The following CLCNKB variants were observed in gnomAD, a reference collection of about 807,000 sequenced individuals.
CLCNKB encodes the protein chloride channel protein ClC-Kb.
In CLCNKB, 74 loss-of-function variants were observed where a neutral mutation model predicts 83.8. The ratio of observed to expected loss-of-function variants is 0.88; its 90% CI spans 0.73 to 1.07. The LOEUF (loss-of-function observed/expected upper bound fraction) is 1.07. CLCNKB is among the 50% of genes least tolerant of loss of function. CLCNKB has a pLI of 0.00. For synonymous variants in CLCNKB, 358 were observed against 356.6 expected, an observed-to-expected ratio of 1.00 and a Z score of -0.04; for missense variants, 798 against 893.6, an observed-to-expected ratio of 0.89 and a Z score of 1.36.
At chr1:16,056,368 A>G in intron 18 of CLCNKB, 54 bp from the exon 19 acceptor site, 3 of 1,558,022 alleles carry the variant, frequency 1.9e-6, no homozygotes, top group Non-Finnish European at 2.7e-6. Flanking sequence ...AGTGGGCTAG[A>G]GGGTGGGCTG....
intron 16 of CLCNKB, among the ~76,000 whole-genome samples, chr1:16,055,128 G>A (rs12022144): frequency 0.43 from 64,516 of 151,730 alleles, 14,480 homozygotes; most frequent in East Asian, 0.8. Context: ...TCGTGCTGGC[G>A]TCCCTAGCTT....
intron 7 of CLCNKB, 127 bp from the exon 8 acceptor site, chr1:16,048,993 T>C: frequency 6.3e-7 from 1 of 1,592,784 alleles, no homozygotes; most frequent in Non-Finnish European, 8.5e-7. Context: ...TCCCCTCCTG[T>C]CTGTCCCTGT....
chr1:16,053,572 AT>A (rs2023357188), intron 15 of CLCNKB, 66 bp from the exon 16 acceptor site: 1 of 1,611,544 alleles, frequency 6.2e-7, no homozygotes, highest in Non-Finnish European at 8.5e-7. Context: ...CTCCCCACAG[AT>A]CCCCCTGCCA....
chr1:16,050,919 C>T lies in CLCNKB; in HGVS notation c.1098C>T (p.Ser366=), dbSNP rs2023267772. The T allele has an allele frequency of 1.9e-6, 3 of 1,612,970 alleles. No individual in the cohort carries two copies. Among genetic ancestry groups the T allele is most frequent in the Non-Finnish European group, 2.5e-6 (3 of 1,179,900 alleles). Reference sequence around the variant, plus strand: ...TGGACTCGCTGTTCGACAACCACTCCTGGGCGCTGATGACCCAGAACTCCA... The same window carrying T: ...TGGACTCGCTGTTCGACAACCACTCTTGGGCGCTGATGACCCAGAACTCCA... ...QHLDSLFDNH[S]WALMTQNSSP... is the part of the protein sequence containing the mutation. Residue 366 remains serine (S), a synonymous_variant, in exon 12 of 20, where the codon TCC becomes TCT. Coordinates refer to ENST00000375679, the MANE Select transcript of CLCNKB (RefSeq NM_000085.5).
chr1:16,052,461 A>C lies in CLCNKB; in HGVS notation c.1622+50A>C, dbSNP rs184341692. 568 of 1,611,730 alleles carry C rather than the reference A, an allele frequency of 3.5e-4. 3 individuals are homozygous for C. The African/African-American group carries it at 5.3e-3, about 15-fold the overall frequency. Reference sequence around the variant, plus strand: ...ACTGAAGGGGGTCACAGTGTTTGGGAAGGGCTGGGGTGAAGGGCACCTCGA... The same window carrying C: ...ACTGAAGGGGGTCACAGTGTTTGGGCAGGGCTGGGGTGAAGGGCACCTCGA... On this transcript the variant is annotated intron_variant, in intron 15 of 19. Coordinates refer to ENST00000375679, the MANE Select transcript of CLCNKB (RefSeq NM_000085.5).
In CLCNKB at chr1:16,049,195, C is replaced by A. The variant is rs1385714869; in HGVS notation, c.731C>A (p.Thr244Asn). ...WDYWRGFFAA[T>N]CGAFMFRLLA... is the part of the protein sequence containing the mutation. Reference sequence around the variant, plus strand: ...TACTGGAGGGGCTTCTTTGCGGCCACCTGCGGGGCCTTCATGTTCCGGCTC... The same window carrying A: ...TACTGGAGGGGCTTCTTTGCGGCCAACTGCGGGGCCTTCATGTTCCGGCTC... The change falls in exon 8 of 20, where the codon ACC becomes AAC. Residue 244 changes from threonine to asparagine, a missense_variant. Transcript: ENST00000375679. The A allele has an allele frequency of 6.2e-7, 1 of 1,613,664 alleles. No homozygotes were observed. The highest frequency in any genetic ancestry group is 1.7e-5 in the Admixed American group (1 of 60,026).
chr1:16,053,654 G>A lies in CLCNKB; in HGVS notation c.1638G>A (p.Arg546=). ...LGRNIGSHRV[R]VEHFMNHSIT... ...CTGCCTGCAGTTCCCACCGCGTGAG[G>A]GTGGAGCACTTCATGAACCACAGCA... is the stretch of plus-strand genomic sequence containing the variant. The change falls in exon 16 of 20, where the codon AGG becomes AGA. Residue 546 remains arginine (R), a synonymous_variant. Transcript: ENST00000375679. 6.2e-7 allele frequency: 1 copy of A among 1,614,016 alleles called. No homozygotes were observed. The highest frequency in any genetic ancestry group is 8.5e-7 in the Non-Finnish European group (1 of 1,180,046).
At chr1:16,052,112 A>G in intron 14 of CLCNKB, 86 bp from the exon 15 acceptor site, 1 of 1,531,034 alleles carries the variant, frequency 6.5e-7, no homozygotes, top group East Asian at 2.3e-5. Flanking sequence ...ATCACACCTT[A>G]GCCCCTGGTC....
At chr1:16,055,638 G>A (rs1557473487) in intron 17 of CLCNKB, 37 bp from the exon 18 acceptor site, 1 of 1,608,540 alleles carries the variant, frequency 6.2e-7, no homozygotes, top group Non-Finnish European at 8.5e-7. Context: ...ATCCTGGGGA[G>A]GCCAGCCCTG....
Position 16,051,768 on chromosome 1 carries a change from C to T in CLCNKB, c.1356C>T (p.Ile452=), listed in dbSNP as rs762692905. The T allele has an allele frequency of 3.0e-5, 49 of 1,613,656 alleles. 1 individual carries two copies. The highest frequency in any genetic ancestry group is 4.1e-5 in the Non-Finnish European group (48 of 1,179,866). ...TCTCTTTTATCTTCCCTGAGGGCAT[C>T]GTGGCTGGAGGGATCACCAATCCCA... ...ETLSFIFPEG[I]VAGGITNPIM... is the part of the protein sequence containing the mutation. The change falls in exon 14 of 20, where the codon ATC becomes ATT. Residue 452 remains isoleucine, a synonymous_variant. Transcript: ENST00000375679.
rs2023255429 is a variant in CLCNKB, at chr1:16,050,597, T to A, written c.1050T>A (p.Ser350=). The change falls in exon 11 of 20, where the codon TCT becomes TCA. Residue 350 remains serine (S), a synonymous_variant. Coordinates refer to ENST00000375679, the MANE Select transcript of CLCNKB (RefSeq NM_000085.5). ...YPPSAGRFLA[S]RLSMKQHLDS... ...CCAGCGCCGGCCGCTTCCTAGCTTC[T>A]CGGGTAAGGGGCCTTGAGTGGGGTG... The A allele has an allele frequency of 6.2e-7, 1 of 1,613,834 alleles. No homozygotes were observed. The highest frequency in any genetic ancestry group is 1.7e-5 in the Admixed American group (1 of 60,004).
Position 16,045,558 on chromosome 1 carries a change from G to A in CLCNKB, c.101G>A (p.Gly34Asp), listed in dbSNP as rs762515275. Reference sequence around the variant, plus strand: ...GCCGTGACCCCATGCCCTGCCCCAGGTGGCCTGGAGTGGCTGAAGCAGAAG... The same window carrying A: ...GCCGTGACCCCATGCCCTGCCCCAGATGGCCTGGAGTGGCTGAAGCAGAAG... ...PCPRIRRGIR[G>D]GLEWLKQKLF... is the part of the protein sequence containing the mutation. Residue 34 changes from glycine to aspartate, a missense_variant and splice_region_variant, in exon 3 of 20, where the codon GGT becomes GAT. By Grantham distance (94) the Gly-to-Asp change is moderately conservative. Coordinates refer to ENST00000375679, the MANE Select transcript of CLCNKB (RefSeq NM_000085.5). 4.3e-6 allele frequency: 7 copies of A among 1,613,458 alleles called. No individual in the cohort carries two copies. In the East Asian group the frequency reaches 1.3e-4, roughly 31 times the overall value.
rs1421835654 is a variant in CLCNKB, at chr1:16,055,487, G to A, written c.1809G>A (p.Leu603=). Residue 603 remains leucine, a synonymous_variant, in exon 17 of 20, where the codon CTG becomes CTA. Coordinates refer to ENST00000375679, the MANE Select transcript of CLCNKB (RefSeq NM_000085.5). ...GAAGGGCCCAGCTGGTGCAGGCCCT[G>A]AAGGCTGAGCCTCCTTCCTGGGCTC... ...IVRRAQLVQA[L]KAEPPSWAPG... is the part of the protein sequence containing the mutation. 1 of 1,603,968 alleles carries A rather than the reference G, an allele frequency of 6.2e-7. No homozygotes were observed. Among genetic ancestry groups the A allele is most frequent in the Non-Finnish European group, 8.5e-7 (1 of 1,174,558 alleles).
intron 3 of CLCNKB, among the ~76,000 whole-genome samples, chr1:16,046,101 G>T (rs962996693): frequency 6.6e-6 from 1 of 152,222 alleles, no homozygotes; most frequent in Non-Finnish European, 1.5e-5. Context: ...AAGAGGGGGT[G>T]TGGGCAGGAA....
chr1:16,049,278 G>C, intron 8 of CLCNKB, 33 bp downstream of exon 8: 7 of 1,611,088 alleles, frequency 4.3e-6, no homozygotes, highest in Non-Finnish European at 5.9e-6. Context: ...CCCTGGCCCT[G>C]CCTGGGGGCC....
chr1:16,051,328 A>G, intron 12 of CLCNKB, 150 bp from the exon 13 acceptor site: 1 of 1,096,654 alleles, frequency 9.1e-7, no homozygotes, highest in South Asian at 1.3e-5. Context: ...CAGGGTGAGG[A>G]CCCTCCCCTA....
intron 1 of CLCNKB, among the ~76,000 whole-genome samples, chr1:16,044,210 C>T (rs879126411): frequency 5.4e-5 from 8 of 148,930 alleles, no homozygotes; most frequent in South Asian, 4.5e-4. Context: ...GCTTGGGCTC[C>T]GGCCTGTGCC....
chr1:16,053,033 A>T (rs1397625826), intron 15 of CLCNKB, among the ~76,000 whole-genome samples: 3 of 140,520 alleles, frequency 2.1e-5, no homozygotes, highest in African/African-American at 7.6e-5. Flanking sequence ...GGGGAGGCAT[A>T]TACTTTTTTT....
At chr1:16,053,857 C>T (rs1477945843) in intron 16 of CLCNKB, 85 bp downstream of exon 16, 41 of 1,544,948 alleles carry the variant, frequency 2.7e-5, no homozygotes, top group Non-Finnish European at 3.6e-5. Flanking sequence ...ACAGGATCTG[C>T]ATCCAGGCTC....
Sources: allele counts gnomAD v4.1 joint callset (sites outside exome capture counted in the v4.1 genomes callset), GRCh38; gene constraint gnomAD v4.1.1; transcripts MANE v1.5; gene names NCBI Gene and HGNC (gene_info 2026-07-23, HGNC 2026-07-21).